The following KITLG variants were observed in gnomAD, a reference collection of about 807,000 sequenced individuals.
The protein encoded by KITLG is KIT ligand.
A neutral mutation model predicts 34.1 loss-of-function variants in KITLG; 13 were observed. The observed-to-expected ratio is 0.38, with a 90% CI of 0.25 to 0.61. KITLG has a LOEUF of 0.61. KITLG is among the 20% of genes least tolerant of loss of function. The probability of loss-of-function intolerance (pLI) is 0.60; values close to 1 mark genes in which losing one functional copy is unlikely to be tolerated. For synonymous variants in KITLG, 110 were observed against 104.0 expected, an observed-to-expected ratio of 1.06 and a Z score of -0.35; for missense variants, 292 against 318.9, an observed-to-expected ratio of 0.92 and a Z score of 0.64.
intron 1 of KITLG, among the ~76,000 whole-genome samples, chr12:88,556,540 C>T (rs77117203): frequency 0.012 from 1,840 of 152,152 alleles, 24 homozygotes; most frequent in Non-Finnish European, 0.019. Context: ...GGAAGTAGAA[C>T]GGAAGATCTT....
chr12:88,530,889 C>A (rs1870058449), intron 3 of KITLG, among the ~76,000 whole-genome samples: 1 of 152,148 alleles, frequency 6.6e-6, no homozygotes, highest in African/African-American at 2.4e-5. Flanking sequence ...ATTTTAAGCA[C>A]AAGCACATAA....
At chr12:88,539,758 GA>G (rs1227503580) in intron 2 of KITLG, among the ~76,000 whole-genome samples, 3 of 151,880 alleles carry the variant, frequency 2.0e-5, no homozygotes, top group Non-Finnish European at 4.4e-5. Flanking sequence ...TCCATCTCAA[GA>G]AAAAAATTTA....
chr12:88,566,915 T>A (rs948581669), intron 1 of KITLG, among the ~76,000 whole-genome samples: 11 of 152,180 alleles, frequency 7.2e-5, no homozygotes, highest in Admixed American at 5.9e-4. Flanking sequence ...AGCAATACAG[T>A]ACCACATACA....
intron 2 of KITLG, among the ~76,000 whole-genome samples, chr12:88,533,078 A>G (rs1272291334): frequency 6.6e-6 from 1 of 152,196 alleles, no homozygotes; most frequent in Non-Finnish European, 1.5e-5. Context: ...AAACAATGCT[A>G]CTTATGAGAT....
intron 3 of KITLG, among the ~76,000 whole-genome samples, chr12:88,522,693 G>A (rs893400568): frequency 1.3e-5 from 2 of 152,096 alleles, no homozygotes; most frequent in African/African-American, 4.8e-5. Flanking sequence ...TTCCCAAAGT[G>A]CTGGGATTAC....
At chr12:88,569,748 T>C (rs1192363114) in intron 1 of KITLG, among the ~76,000 whole-genome samples, 5 of 152,198 alleles carry the variant, frequency 3.3e-5, no homozygotes, top group African/African-American at 1.2e-4. Flanking sequence ...TTTACCTGTG[T>C]TGAGATGATG....
intron 3 of KITLG, among the ~76,000 whole-genome samples, chr12:88,521,061 C>G (rs901292040): frequency 1.3e-5 from 2 of 152,148 alleles, no homozygotes; most frequent in Non-Finnish European, 2.9e-5. Flanking sequence ...TTCTAAAACA[C>G]TTGTAATCAT....
At chr12:88,521,329 G>A (rs984784987) in intron 3 of KITLG, among the ~76,000 whole-genome samples, 6 of 151,992 alleles carry the variant, frequency 3.9e-5, no homozygotes, top group South Asian at 2.1e-4. Context: ...ATTAAATATC[G>A]TCAATGATTT....
At chr12:88,572,595 T>A (rs963835147) in intron 1 of KITLG, among the ~76,000 whole-genome samples, 1 of 134,914 alleles carries the variant, frequency 7.4e-6, no homozygotes, top group African/African-American at 2.7e-5. Context: ...ATATACATTA[T>A]TATATATATA....
intron 1 of KITLG, among the ~76,000 whole-genome samples, chr12:88,560,788 T>C (rs1299763943): frequency 1.3e-5 from 2 of 151,572 alleles, no homozygotes; most frequent in African/African-American, 4.8e-5. Context: ...GCCAACACAG[T>C]GAAACCCCGT....
chr12:88,503,890 T>C (rs1302286964), intron 9 of KITLG, among the ~76,000 whole-genome samples: 1 of 152,182 alleles, frequency 6.6e-6, no homozygotes, highest in Non-Finnish European at 1.5e-5. Context: ...TTTGGATGTT[T>C]TCTCTTTTTC....
rs758990165 is a variant in KITLG at position 88,505,146 on chromosome 12, G to A, written c.*37+13C>T. 7.2e-7 allele frequency: 1 copy of A among 1,387,752 alleles called. No homozygotes were observed. The highest frequency in any genetic ancestry group is 1.2e-5 in the South Asian group (1 of 82,418). The allele number at this position is 1,387,752 out of a possible 1,614,324, so 86.0% of individuals were successfully genotyped here. On this transcript the variant is annotated intron_variant, in intron 9 of 9. Coordinates refer to ENST00000644744, the MANE Select transcript of KITLG (RefSeq NM_000899.5). ...AAAAAAAGAAAAAAAAAGGAAAGAA[G>A]AAAAAAACTTACCAATGTACGAAAG... is the stretch of plus-strand genomic sequence containing the variant.
At chr12:88,503,972 T>C (rs1868956283) in intron 9 of KITLG, among the ~76,000 whole-genome samples, 1 of 152,218 alleles carries the variant, frequency 6.6e-6, no homozygotes, top group African/African-American at 2.4e-5. Flanking sequence ...AGTCATGTTA[T>C]AGTGGTCACA....
chr12:88,553,208 G>A (rs2120932169), intron 1 of KITLG, among the ~76,000 whole-genome samples: 1 of 152,252 alleles, frequency 6.6e-6, no homozygotes, highest in Middle Eastern at 3.4e-3. Flanking sequence ...TCAGTTAACA[G>A]ACAACTGACT....
chr12:88,569,523 T>A (rs1359531648), intron 1 of KITLG, among the ~76,000 whole-genome samples: 1 of 152,150 alleles, frequency 6.6e-6, no homozygotes, highest in Non-Finnish European at 1.5e-5. Context: ...AGAGTAAATG[T>A]TTATTTAGTA....
At chr12:88,579,018 A>G (rs1340427070) in intron 1 of KITLG, among the ~76,000 whole-genome samples, 1 of 152,176 alleles carries the variant, frequency 6.6e-6, no homozygotes, top group African/African-American at 2.4e-5. Flanking sequence ...CTTTTCTCTT[A>G]GAGAGTGCTC....
intron 1 of KITLG, among the ~76,000 whole-genome samples, chr12:88,553,578 T>C (rs1870997461): frequency 6.6e-6 from 1 of 152,214 alleles, no homozygotes; most frequent in Admixed American, 6.5e-5. Context: ...TCTTTCATTG[T>C]ATAGACACAT....
chr12:88,563,741 A>G (rs534714544), intron 1 of KITLG, among the ~76,000 whole-genome samples: 2 of 152,288 alleles, frequency 1.3e-5, no homozygotes, highest in South Asian at 2.1e-4. Context: ...TGGGCGGATC[A>G]CCTAAGGTCA....
intron 9 of KITLG, among the ~76,000 whole-genome samples, chr12:88,500,516 G>A (rs982155513): frequency 9.2e-5 from 14 of 152,186 alleles, no homozygotes; most frequent in African/African-American, 3.1e-4. Context: ...ATCCATCAAT[G>A]CACCTGCTAG....
Sources: allele counts gnomAD v4.1 joint callset (sites outside exome capture counted in the v4.1 genomes callset), GRCh38; gene constraint gnomAD v4.1.1; transcripts MANE v1.5; gene names NCBI Gene and HGNC (gene_info 2026-07-23, HGNC 2026-07-21).